Variants in CHMP1A observed in about 807,000 individuals in gnomAD.
The protein encoded by CHMP1A is charged multivesicular body protein 1A, also known as VPS46 homolog A.
Under a neutral mutation model 27.0 loss-of-function variants are expected in CHMP1A, and 17 were observed. The ratio of observed to expected loss-of-function variants is 0.63; its 90% CI spans 0.43 to 0.95. The LOEUF (loss-of-function observed/expected upper bound fraction) is 0.95. Among genes scored for constraint, CHMP1A ranks in the 40% least tolerant of loss-of-function variants. The probability of loss-of-function intolerance (pLI) is 0.00; values close to 1 mark genes in which losing one functional copy is unlikely to be tolerated. For synonymous variants in CHMP1A, 131 were observed against 107.5 expected (o/e 1.22, Z -1.35); for missense variants, 275 against 264.0 (o/e 1.04, Z -0.29).
intron 2 of CHMP1A, among the ~76,000 whole-genome samples, chr16:89,652,374 G>A (rs1198548045): frequency 6.8e-6 from 1 of 148,056 alleles, no homozygotes; most frequent in Non-Finnish European, 1.5e-5. Flanking sequence ...AGGGCCTCTG[G>A]CAACCCATCT....
chr16:89,648,719 T>C (rs1327268777), intron 4 of CHMP1A, among the ~76,000 whole-genome samples: 1 of 126,370 alleles, frequency 7.9e-6, no homozygotes. Flanking sequence ...AGACACCCTG[T>C]CTCTACATAA....
At chr16:89,654,143 G>A (rs747396233) in intron 1 of CHMP1A, among the ~76,000 whole-genome samples, 1 of 152,226 alleles carries the variant, frequency 6.6e-6, no homozygotes, top group Non-Finnish European at 1.5e-5. Flanking sequence ...CCCAGCAAAT[G>A]CAGACCCTCC....
intron 6 of CHMP1A, 122 bp downstream of exon 6, chr16:89,646,405 G>C: frequency 8.8e-7 from 1 of 1,138,856 alleles, no homozygotes; most frequent in Non-Finnish European, 1.2e-6. Flanking sequence ...GTCGAGATCA[G>C]GGCTCCCTGG....
Position 89,646,568 on chromosome 16 carries a change from G to A in CHMP1A, c.528C>T (p.Gly176=), listed in dbSNP as rs190721712. The A allele has an allele frequency of 4.4e-6, 7 of 1,595,520 alleles. No homozygotes were observed. The highest frequency in any genetic ancestry group is 2.3e-5 in the East Asian group (1 of 44,000). Residue 176 remains glycine (G), a synonymous_variant, in exon 6 of 7, where the codon GGC becomes GGT. Coordinates refer to ENST00000397901, the MANE Select transcript of CHMP1A (RefSeq NM_002768.5). ...SQLPEGASAV[G]ESSVRSQEDQ... is the part of the protein sequence containing the mutation. ...CCTCCTGGCTGCGCACAGAGCTCTC[G>A]CCCACGGCAGAGGCGCCCTCGGGCA...
intron 3 of CHMP1A, 147 bp from the exon 4 acceptor site, chr16:89,649,644 C>G (rs1313916020): frequency 2.2e-6 from 2 of 905,436 alleles, no homozygotes; most frequent in African/African-American, 3.4e-5. Flanking sequence ...GGCACGATCT[C>G]GACTCAACGC....
intron 4 of CHMP1A, 106 bp downstream of exon 4, chr16:89,649,245 G>A: frequency 3.6e-6 from 5 of 1,393,990 alleles, no homozygotes; most frequent in Non-Finnish European, 4.8e-6. Flanking sequence ...ACCCCGCGCT[G>A]ATCCACCTTC....
intron 3 of CHMP1A, among the ~76,000 whole-genome samples, chr16:89,650,919 G>A (rs537764918): frequency 1.6e-4 from 25 of 152,340 alleles, no homozygotes; most frequent in Admixed American, 1.6e-3. Context: ...TGAAGGCAAT[G>A]CACTCATCTC....
intron 5 of CHMP1A, 92 bp downstream of exon 5, chr16:89,647,111 A>T: frequency 6.5e-7 from 1 of 1,546,772 alleles, no homozygotes; most frequent in Non-Finnish European, 8.7e-7. Context: ...ATGCAGAGAC[A>T]GCACGTCAGC....
rs1173780754 is a variant in CHMP1A, at chr16:89,644,600, A to ACGTT, written c.*1462_*1465dup. On this transcript the variant is annotated 3_prime_UTR_variant, in exon 7 of 7. Coordinates refer to ENST00000397901, the MANE Select transcript of CHMP1A (RefSeq NM_002768.5). ...GCTGTTACCCACGATGGACAGAAGG[A>ACGTT]CGTTCTCTCAACACCAGGGTTGATT... The ACGTT allele has an allele frequency of 6.6e-6, 1 of 152,356 alleles. No individual in the cohort carries two copies. The highest frequency in any genetic ancestry group is 1.5e-5 in the Non-Finnish European group (1 of 68,170). The allele number at this position is 152,356 out of a possible 1,614,324, so 9.4% of individuals were successfully genotyped here. A position where few individuals can be genotyped will look rare whatever the true frequency, so the allele number is the denominator to read the frequency against.
intron 4 of CHMP1A, among the ~76,000 whole-genome samples, chr16:89,648,686 T>G (rs951852687): frequency 1.9e-4 from 29 of 151,360 alleles, no homozygotes; most frequent in Middle Eastern, 3.2e-3. Context: ...AGGCCAGGAG[T>G]TTGAGACCAG....
Position 89,645,806 on chromosome 16 carries a change from G to A in CHMP1A, c.*260C>T. The stretch of plus-strand genomic sequence containing the variant: ...GGTGAAAGTCCACAGGGCCCCTCTT[G>A]GCCTCCCCGCTGTGGGCCCAGAGTC... On this transcript the variant is annotated 3_prime_UTR_variant, in exon 7 of 7. Coordinates refer to ENST00000397901, the MANE Select transcript of CHMP1A (RefSeq NM_002768.5). 8.9e-7 allele frequency: 1 copy of A among 1,121,472 alleles called. No homozygotes were observed. The highest frequency in any genetic ancestry group is 1.2e-6 in the Non-Finnish European group (1 of 810,090). 69.5% of individuals were successfully genotyped at this position (1,121,472 alleles called of 1,614,324 possible). A position where few individuals can be genotyped will look rare whatever the true frequency, so the allele number is the denominator to read the frequency against.
At chr16:89,652,038 C>T (rs186680223) in intron 2 of CHMP1A, among the ~76,000 whole-genome samples, 348 of 152,350 alleles carry the variant, frequency 2.3e-3, no homozygotes, top group Non-Finnish European at 3.9e-3. Context: ...TCATTTCAGG[C>T]TACCCCCAAG....
chr16:89,648,790 C>T (rs2059800835), intron 4 of CHMP1A, among the ~76,000 whole-genome samples: 1 of 100,234 alleles, frequency 1.0e-5, no homozygotes. Context: ...ACTTGGGAGG[C>T]TGAGGCAGGA....
At chr16:89,647,377 G>A (rs369774205) in intron 4 of CHMP1A, 46 bp from the exon 5 acceptor site, 7 of 1,569,630 alleles carry the variant, frequency 4.5e-6, no homozygotes, top group Non-Finnish European at 2.6e-6. Flanking sequence ...AAAGGCAAGT[G>A]GAGCTCACGC....
At chr16:89,656,993 G>A (rs373816569) in intron 1 of CHMP1A, among the ~76,000 whole-genome samples, 1 of 150,812 alleles carries the variant, frequency 6.6e-6, no homozygotes, top group African/African-American at 2.4e-5. Context: ...GAGGCCCCGG[G>A]GAAGGCATAC....
Position 89,645,995 on chromosome 16 carries a change from C to T in CHMP1A, c.*71G>A, listed in dbSNP as rs751704834. The T allele has an allele frequency of 5.0e-6, 8 of 1,611,970 alleles. No individual in the cohort carries two copies. The highest frequency in any genetic ancestry group is 4.5e-5 in the East Asian group (2 of 44,838). On this transcript the variant is annotated 3_prime_UTR_variant, in exon 7 of 7. Transcript: ENST00000397901. ...CCGCGGGGTCAGCACAAAGGCAAGACGCGGTGGGGAGAGGACAGGAGCCTT... is the reference window on the plus strand; with the variant it reads ...CCGCGGGGTCAGCACAAAGGCAAGATGCGGTGGGGAGAGGACAGGAGCCTT...
chr16:89,649,237 C>A, intron 4 of CHMP1A, 114 bp downstream of exon 4: 2 of 1,274,754 alleles, frequency 1.6e-6, no homozygotes, highest in East Asian at 2.5e-5. Context: ...ACCTCCCCAC[C>A]CCGCGCTGAT....
chr16:89,651,763 A>C, intron 2 of CHMP1A, 117 bp from the exon 3 acceptor site: 1 of 973,696 alleles, frequency 1.0e-6, no homozygotes, highest in Non-Finnish European at 1.5e-6. Flanking sequence ...CTAAGCCCCC[A>C]TCAGCCAGCC....
At chr16:89,650,302 C>T (rs372456633) in intron 3 of CHMP1A, among the ~76,000 whole-genome samples, 18 of 152,272 alleles carry the variant, frequency 1.2e-4, no homozygotes, top group African/African-American at 2.9e-4. Flanking sequence ...CCTCAGCCTT[C>T]CGAGTAGCTG....
Sources: allele counts gnomAD v4.1 joint callset (sites outside exome capture counted in the v4.1 genomes callset), GRCh38; gene constraint gnomAD v4.1.1; transcripts MANE v1.5; gene names NCBI Gene and HGNC (gene_info 2026-07-23, HGNC 2026-07-21).